The following THYN1 variants were observed in gnomAD, a reference collection of about 807,000 sequenced individuals.
The protein encoded by THYN1 is thymocyte protein thy28.
In THYN1, 32 loss-of-function variants were observed where a neutral mutation model predicts 30.6. That is an observed-to-expected ratio of 1.05 (90% CI 0.79 to 1.40). The LOEUF is 1.40. Ranked by LOEUF, THYN1 falls within the 40% of genes most tolerant of loss-of-function variation. THYN1 has a pLI of 0.00. For missense variants in THYN1, 259 were observed against 272.6 expected (o/e 0.95, Z 0.35); for synonymous variants, 107 against 90.8 (o/e 1.18, Z -1.01).
At chr11:134,250,924 T>C (rs1350656710) in intron 2 of THYN1, among the ~76,000 whole-genome samples, 1 of 152,244 alleles carries the variant, frequency 6.6e-6, no homozygotes, top group Non-Finnish European at 1.5e-5. Context: ...ATCTGGCCCT[T>C]TGTGGCAAAG....
intron 2 of THYN1, 59 bp from the exon 3 acceptor site, chr11:134,250,402 T>C (rs1295940126): frequency 3.1e-6 from 5 of 1,589,574 alleles, no homozygotes; most frequent in African/African-American, 1.3e-5. Flanking sequence ...AGTAAGCACA[T>C]ATGGAAGCAG....
chr11:134,251,109 G>T (rs1466303670), intron 2 of THYN1, 21 bp downstream of exon 2: 19 of 1,590,874 alleles, frequency 1.2e-5, no homozygotes, highest in Non-Finnish European at 1.6e-5. Context: ...GAAGGGACTG[G>T]AGACAGGTCA....
intron 3 of THYN1, 32 bp downstream of exon 3, chr11:134,250,243 G>A: frequency 1.9e-6 from 3 of 1,612,936 alleles, no homozygotes; most frequent in Non-Finnish European, 2.5e-6. Context: ...ATCCCACCTG[G>A]GTCTCAGGCG....
intron 5 of THYN1, 80 bp from the exon 6 acceptor site, chr11:134,249,039 GCTC>G (rs1249062677): frequency 6.3e-7 from 1 of 1,579,436 alleles, no homozygotes; most frequent in Non-Finnish European, 8.7e-7. Flanking sequence ...CCCACAGGAA[GCTC>G]CTATCTCAGT....
chr11:134,251,144 CT>C lies in THYN1; in HGVS notation c.207del (p.Gly70ValfsTer2). The C allele has an allele frequency of 1.9e-6, 3 of 1,613,126 alleles. No individual in the cohort carries two copies. The highest frequency in any genetic ancestry group is 2.5e-6 in the Non-Finnish European group (3 of 1,179,666). ...MKSEPESRLE[K>X]GVDVKFSIED... ...AAGGGTCTCACCTTCACATCTACACCTTTCTCTAGGCGGCTCTCTGGCTCTG... is the reference window on the plus strand; with the variant it reads ...AAGGGTCTCACCTTCACATCTACACCTTCTCTAGGCGGCTCTCTGGCTCTG... On this transcript the variant is annotated frameshift_variant, in exon 2 of 7. Coordinates refer to ENST00000341541, the MANE Select transcript of THYN1 (RefSeq NM_014174.3). LOFTEE classifies it high-confidence loss of function.
chr11:134,252,123 C>T (rs2136064084), intron 1 of THYN1, among the ~76,000 whole-genome samples: 1 of 152,318 alleles, frequency 6.6e-6, no homozygotes, highest in Non-Finnish European at 1.5e-5. Context: ...AATGACTATA[C>T]TGCCTCTGAA....
At chr11:134,248,749 A>T in intron 6 of THYN1, 60 bp downstream of exon 6, 1 of 1,599,742 alleles carries the variant, frequency 6.3e-7, no homozygotes, top group Non-Finnish European at 8.5e-7. Flanking sequence ...TCAGCTAGTA[A>T]GTGGGAATTC....
Position 134,248,467 on chromosome 11 carries a change from A to G in THYN1, c.649T>C (p.Leu217=), listed in dbSNP as rs745703087. 3.1e-6 allele frequency: 5 copies of G among 1,613,744 alleles called. No homozygotes were observed. Among genetic ancestry groups the G allele is most frequent in the Non-Finnish European group, 4.2e-6 (5 of 1,179,930 alleles). ...PLTQEEFDFV[L]SLEEKEPS is the part of the protein sequence containing the mutation. Reference sequence around the variant, plus strand: ...CTTGGTTCCTTTTCCTCCAGGCTCAAAACAAAATCAAACTCTTCTACAAAA... The same window carrying G: ...CTTGGTTCCTTTTCCTCCAGGCTCAGAACAAAATCAAACTCTTCTACAAAA... The change falls in exon 7 of 7, where the codon TTG becomes CTG. Residue 217 remains leucine (L), a synonymous_variant. Coordinates refer to ENST00000341541, the MANE Select transcript of THYN1 (RefSeq NM_014174.3).
At position 134,249,269 on chromosome 11, in the gene THYN1, CCAAAA is replaced by C. The variant is rs913662556; in HGVS notation, c.385-12_385-8del. ...GGTAAGCCTCTTTCACGATCTGAAA[CCAAAA>C]CAAAAGCTTTGAATCATCTGCCTGC... On this transcript the variant is annotated splice_polypyrimidine_tract_variant and splice_region_variant and intron_variant, in intron 4 of 6. Transcript: ENST00000341541. 1.2e-6 allele frequency: 2 copies of C among 1,614,132 alleles called. No homozygotes were observed. The highest frequency in any genetic ancestry group is 2.2e-5 in the East Asian group (1 of 44,878).
Position 134,252,936 on chromosome 11 carries a change from A to C in THYN1, c.-54T>G, listed in dbSNP as rs1939185692. 6.5e-7 allele frequency: 1 copy of C among 1,530,142 alleles called. No individual in the cohort carries two copies. Among genetic ancestry groups the C allele is most frequent in the Admixed American group, 2.3e-5 (1 of 43,632 alleles). The allele number at this position is 1,530,142 out of a possible 1,614,324, so 94.8% of individuals were successfully genotyped here. Reference sequence around the variant, plus strand: ...ACGATTCTGGAATCAACGGAGATACAAGAAAGAATGCTAATGTCCTCCAAA... The same window carrying C: ...ACGATTCTGGAATCAACGGAGATACCAGAAAGAATGCTAATGTCCTCCAAA... On this transcript the variant is annotated 5_prime_UTR_variant, in exon 1 of 7. Coordinates refer to ENST00000341541, the MANE Select transcript of THYN1 (RefSeq NM_014174.3).
Position 134,252,831 on chromosome 11 carries a change from G to T in THYN1, c.43+9C>A. On this transcript the variant is annotated intron_variant, in intron 1 of 6. Coordinates refer to ENST00000341541, the MANE Select transcript of THYN1 (RefSeq NM_014174.3). The stretch of plus-strand genomic sequence containing the variant: ...TGGGCTGCCTTTGTGCAGCCTAGGG[G>T]CAGCTCACCTGAACCAGAAGTCCCA... 1.2e-6 allele frequency: 2 copies of T among 1,613,618 alleles called. No individual in the cohort carries two copies. Among genetic ancestry groups the T allele is most frequent in the South Asian group, 2.2e-5 (2 of 91,046 alleles).
rs747138876 is a variant in THYN1 at position 134,248,381 on chromosome 11, A to C, written c.*57T>G. The C allele has an allele frequency of 6.2e-7, 1 of 1,609,244 alleles. No homozygotes were observed. The highest frequency in any genetic ancestry group is 1.1e-5 in the South Asian group (1 of 90,986). ...CAAGCCCCCTCACACCTTTTGTCTGAAAAAAGCTTGACTTCTTTGCAGCAA... is the reference window on the plus strand; with the variant it reads ...CAAGCCCCCTCACACCTTTTGTCTGCAAAAAGCTTGACTTCTTTGCAGCAA... On this transcript the variant is annotated 3_prime_UTR_variant, in exon 7 of 7. Coordinates refer to ENST00000341541, the MANE Select transcript of THYN1 (RefSeq NM_014174.3).
At chr11:134,250,188 A>C in intron 3 of THYN1, 87 bp downstream of exon 3, 1 of 1,487,620 alleles carries the variant, frequency 6.7e-7, no homozygotes, top group Non-Finnish European at 9.3e-7. Flanking sequence ...ACCTTGGCCA[A>C]GAGGTTCTGC....
chr11:134,251,202 CAA>C lies in THYN1; in HGVS notation c.148_149del (p.Leu50GlufsTer28). ...TCAGCCAGTGGCTGCTTAGATTCTT[CAA>C]ACAGTTTTTAGTGGCTGAAGTCTTC... ...PQKTSATKNC[L>X]KNLSSHWLMK... On this transcript the variant is annotated frameshift_variant, in exon 2 of 7. Coordinates refer to ENST00000341541, the MANE Select transcript of THYN1 (RefSeq NM_014174.3). LOFTEE classifies it high-confidence loss of function. The C allele has an allele frequency of 1.2e-6, 2 of 1,613,930 alleles. No individual in the cohort carries two copies. The highest frequency in any genetic ancestry group is 1.7e-6 in the Non-Finnish European group (2 of 1,180,030).
Position 134,249,863 on chromosome 11 carries a change from T to C in THYN1, c.349A>G (p.Asn117Asp). 1 of 1,614,204 alleles carries C rather than the reference T, an allele frequency of 6.2e-7. No homozygotes were observed. Among genetic ancestry groups the C allele is most frequent in the African/African-American group, 1.3e-5 (1 of 75,048 alleles). ...LGEEAFFYHS[N>D]CKEPGIAGLM... ...CCTGCGATGCCTGGCTCTTTGCAGT[T>C]GCTATGGTAGAAGAAGGCTTCTTCT... Residue 117 changes from asparagine (N) to aspartate (D), a missense_variant, in exon 4 of 7, where the codon AAC becomes GAC. By Grantham distance (23) the Asn-to-Asp change is conservative. Coordinates refer to ENST00000341541, the MANE Select transcript of THYN1 (RefSeq NM_014174.3).
chr11:134,253,147 C>G lies in THYN1; in HGVS notation c.-265G>C. 1.5e-6 allele frequency: 2 copies of G among 1,350,206 alleles called. No homozygotes were observed. The highest frequency in any genetic ancestry group is 1.9e-6 in the Non-Finnish European group (2 of 1,056,052). 83.6% of individuals were successfully genotyped at this position (1,350,206 alleles called of 1,614,324 possible). A position where few individuals can be genotyped will look rare whatever the true frequency, so the allele number is the denominator to read the frequency against. On this transcript the variant is annotated 5_prime_UTR_variant, in exon 1 of 7. Coordinates refer to ENST00000341541, the MANE Select transcript of THYN1 (RefSeq NM_014174.3). ...CTTGGTCCTTCTCATCCAGGAACCCCTATCTCAGTATGTAGTTCACTGGGA... is the reference window on the plus strand; with the variant it reads ...CTTGGTCCTTCTCATCCAGGAACCCGTATCTCAGTATGTAGTTCACTGGGA...
chr11:134,250,417 T>G lies in THYN1; in HGVS notation c.223-74A>C, dbSNP rs917754706. 3 of 1,541,594 alleles carry G rather than the reference T, an allele frequency of 1.9e-6. No individual in the cohort carries two copies. The Admixed American group carries it at 5.1e-5, about 26-fold the overall frequency. On this transcript the variant is annotated intron_variant, in intron 2 of 6. Coordinates refer to ENST00000341541, the MANE Select transcript of THYN1 (RefSeq NM_014174.3). ...AGTAAGCACATATGGAAGCAGACAG[T>G]TCCTTCCCCTAAAATGAGAGGGGCC...
intron 6 of THYN1, 65 bp downstream of exon 6, chr11:134,248,744 T>A: frequency 6.3e-7 from 1 of 1,596,134 alleles, no homozygotes; most frequent in East Asian, 2.2e-5. Flanking sequence ...TTTAATCAGC[T>A]AGTAAGTGGG....
chr11:134,249,225 T>C lies in THYN1; in HGVS notation c.422A>G (p.Glu141Gly). The change falls in exon 5 of 7, where the codon GAG becomes GGG. Residue 141 changes from glutamate (E) to glycine (G), a missense_variant. Glu to Gly is a moderately conservative substitution (Grantham distance 98, BLOSUM62 -2). Coordinates refer to ENST00000341541, the MANE Select transcript of THYN1 (RefSeq NM_014174.3). ...KEAYPDHTQF[E>G]KNNPHYDPSS... Reference sequence around the variant, plus strand: ...TGGGTCATAATGGGGATTGTTTTTCTCAAACTGTGTGTGGTCTGGGTAAGC... The same window carrying C: ...TGGGTCATAATGGGGATTGTTTTTCCCAAACTGTGTGTGGTCTGGGTAAGC... 1 of 1,614,236 alleles carries C rather than the reference T, an allele frequency of 6.2e-7. No homozygotes were observed. Among genetic ancestry groups the C allele is most frequent in the Non-Finnish European group, 8.5e-7 (1 of 1,180,046 alleles).
Sources: allele counts gnomAD v4.1 joint callset (sites outside exome capture counted in the v4.1 genomes callset), GRCh38; gene constraint gnomAD v4.1.1; transcripts MANE v1.5; gene names NCBI Gene and HGNC (gene_info 2026-07-23, HGNC 2026-07-21).